Variants in SOS1 observed in about 807,000 individuals in gnomAD.
The protein encoded by SOS1 is SOS Ras/Rac guanine nucleotide exchange factor 1.
A neutral mutation model predicts 157.6 loss-of-function variants in SOS1; 25 were observed. The observed-to-expected ratio is 0.16, with a 90% CI of 0.12 to 0.22. The LOEUF (loss-of-function observed/expected upper bound fraction) is 0.22. Among genes scored for constraint, SOS1 ranks in the 10% least tolerant of loss-of-function variants. The pLI is 1.00. For missense variants in SOS1, 1,237 were observed against 1,599.1 expected, an observed-to-expected ratio of 0.77 and a Z score of 3.86; for synonymous variants, 528 against 534.0, an observed-to-expected ratio of 0.99 and a Z score of 0.16.
chr2:39,124,736 G>C (rs1326292175), upstream of SOS1, among the ~76,000 whole-genome samples: 1 of 152,224 alleles, frequency 6.6e-6, no homozygotes, highest in Non-Finnish European at 1.5e-5. Flanking sequence ...CCATGGCCTT[G>C]CACAATCGGA....
At chr2:39,037,357 A>C (rs1294653647) in intron 6 of SOS1, among the ~76,000 whole-genome samples, 1 of 152,204 alleles carries the variant, frequency 6.6e-6, no homozygotes, top group Non-Finnish European at 1.5e-5. Flanking sequence ...TAATGTATAC[A>C]TTCATCTATA....
chr2:38,997,649 G>A (rs190754839), intron 17 of SOS1, among the ~76,000 whole-genome samples: 38 of 149,192 alleles, frequency 2.5e-4, no homozygotes, highest in Admixed American at 2.1e-3. Flanking sequence ...GAGGCCAGAA[G>A]GCAGTGGGAT....
intron 17 of SOS1, 49 bp downstream of exon 17, chr2:39,006,363 G>T (rs1388188557): frequency 1.3e-5 from 12 of 897,896 alleles, no homozygotes; most frequent in Non-Finnish European, 2.1e-5. Flanking sequence ...TGAAATGAGT[G>T]TTTTGTTTTA....
chr2:39,120,151 C>G (rs971348086), intron 1 of SOS1, among the ~76,000 whole-genome samples, 185 bp downstream of exon 1: 5 of 152,162 alleles, frequency 3.3e-5, no homozygotes, highest in African/African-American at 9.7e-5. Flanking sequence ...TTCCCACACA[C>G]CCGGTGGATG....
At chr2:38,991,084 G>A (rs890877457) in intron 20 of SOS1, among the ~76,000 whole-genome samples, 3 of 152,082 alleles carry the variant, frequency 2.0e-5, no homozygotes, top group African/African-American at 4.8e-5. Flanking sequence ...ACCAATGCCA[G>A]TCTAGTGTGG....
chr2:39,096,048 C>G (rs949565524), intron 1 of SOS1, among the ~76,000 whole-genome samples: 1 of 152,118 alleles, frequency 6.6e-6, no homozygotes, highest in African/African-American at 2.4e-5. Context: ...TTTAGAAAAA[C>G]AAACCTTGAT....
intron 18 of SOS1, 99 bp downstream of exon 18, chr2:38,997,154 G>A (rs1228732024): frequency 4.9e-5 from 55 of 1,117,812 alleles, no homozygotes; most frequent in Non-Finnish European, 7.9e-6. Context: ...TTCTTTTAAG[G>A]TTTATTTTAC....
intron 1 of SOS1, among the ~76,000 whole-genome samples, chr2:39,072,306 TA>T (rs1671820143): frequency 6.6e-6 from 1 of 152,178 alleles, no homozygotes; most frequent in African/African-American, 2.4e-5. Flanking sequence ...CTTTTCACTC[TA>T]AACCCCTGAC....
At chr2:39,062,192 C>T (rs950782089) in intron 2 of SOS1, among the ~76,000 whole-genome samples, 6 of 151,572 alleles carry the variant, frequency 4.0e-5, no homozygotes, top group African/African-American at 1.2e-4. Context: ...CGGAGGTGGG[C>T]GGACTGCTTG....
chr2:38,985,374 A>C lies in SOS1; in HGVS notation c.*450T>G, dbSNP rs1451553606. 3 of 195,712 alleles carry C rather than the reference A, an allele frequency of 1.5e-5. No homozygotes were observed. The highest frequency in any genetic ancestry group is 3.2e-5 in the Non-Finnish European group (3 of 94,204). 12.1% of individuals were successfully genotyped at this position (195,712 alleles called of 1,614,324 possible). ...TTTTAAGAAAATATTCTAAAGTAGA[A>C]GAGTAAAGCAAAGGAAAACAAAGGA... On this transcript the variant is annotated 3_prime_UTR_variant, in exon 23 of 23. Coordinates refer to ENST00000402219, the MANE Select transcript of SOS1 (RefSeq NM_005633.4).
upstream of SOS1, among the ~76,000 whole-genome samples, chr2:39,121,477 G>GTATC (rs1673893520): frequency 2.0e-5 from 3 of 152,244 alleles, no homozygotes; most frequent in Admixed American, 2.0e-4. Context: ...AGTAGTAGAA[G>GTATC]TGATTGCGGT....
rs187546026 is a variant in SOS1 at position 39,011,492 on chromosome 2, T to C, written c.2390+634A>G. On this transcript the variant is annotated intron_variant, in intron 14 of 22. Transcript: ENST00000402219. The stretch of plus-strand genomic sequence containing the variant: ...CACAAAAGGGTCCTAGGAAATAAAA[T>C]AGATTCTAACACTGTAATTTTCAGA... 1.9e-4 allele frequency among the ~76,000 whole-genome samples: 29 copies of C among 152,094 alleles called. No individual in the cohort carries two copies. In the East Asian group the frequency reaches 5.2e-3, roughly 27 times the overall value.
chr2:39,052,189 A>G (rs141410361), intron 5 of SOS1, among the ~76,000 whole-genome samples: 1 of 152,308 alleles, frequency 6.6e-6, no homozygotes, highest in Non-Finnish European at 1.5e-5. Context: ...CTAAAATTCA[A>G]CAAATGATAG....
intron 1 of SOS1, among the ~76,000 whole-genome samples, chr2:39,081,006 T>G (rs1428500423): frequency 6.6e-6 from 1 of 151,700 alleles, no homozygotes; most frequent in Non-Finnish European, 1.5e-5. Flanking sequence ...GGCAACAAAG[T>G]GAGACCTTGT....
chr2:39,038,339 A>G (rs1036946214), intron 6 of SOS1, among the ~76,000 whole-genome samples: 1 of 152,210 alleles, frequency 6.6e-6, no homozygotes, highest in African/African-American at 2.4e-5. Flanking sequence ...GGAAATAGAA[A>G]GAGAAATAGG....
chr2:39,072,364 A>G (rs1243253247), intron 1 of SOS1, among the ~76,000 whole-genome samples: 2 of 152,190 alleles, frequency 1.3e-5, no homozygotes, highest in Non-Finnish European at 2.9e-5. Flanking sequence ...TGAGGGGAAT[A>G]AAATATTTCT....
chr2:39,118,238 A>G (rs1418650714), intron 1 of SOS1, among the ~76,000 whole-genome samples: 2 of 152,254 alleles, frequency 1.3e-5, no homozygotes, highest in Admixed American at 1.3e-4. Context: ...AGGGACTAGC[A>G]TATCCAAAGA....
At chr2:39,007,397 G>T in intron 15 of SOS1, 1 of 564,166 alleles carries the variant, frequency 1.8e-6, no homozygotes, top group South Asian at 2.2e-5. Flanking sequence ...CTTCTAGACT[G>T]GTACAGTCAA....
chr2:39,058,581 A>T, intron 3 of SOS1, 92 bp downstream of exon 3: 1 of 1,350,796 alleles, frequency 7.4e-7, no homozygotes, highest in Non-Finnish European at 1.0e-6. Context: ...TCTTAAGTTG[A>T]CTCAATTATC....
Sources: allele counts gnomAD v4.1 joint callset (sites outside exome capture counted in the v4.1 genomes callset), GRCh38; gene constraint gnomAD v4.1.1; transcripts MANE v1.5; gene names NCBI Gene and HGNC (gene_info 2026-07-23, HGNC 2026-07-21).